SLC7A7: variants seen among roughly 807,000 people sequenced by gnomAD.
SLC7A7 encodes solute carrier family 7 member 7.
Under a neutral mutation model 47.9 loss-of-function variants are expected in SLC7A7, and 39 were observed. The ratio of observed to expected loss-of-function variants is 0.81; its 90% CI spans 0.63 to 1.06. SLC7A7 has a LOEUF of 1.06. Among genes scored for constraint, SLC7A7 ranks in the 50% least tolerant of loss-of-function variants. The pLI, the probability that SLC7A7 is intolerant of heterozygous loss-of-function variation, is 0.00. For missense variants in SLC7A7, 588 were observed against 632.0 expected (o/e 0.93, Z 0.75); for synonymous variants, 234 against 242.8 (o/e 0.96, Z 0.34).
rs1445945306 is a variant in SLC7A7, at chr14:22,782,545, C to T, written c.500-2494G>A. Among the ~76,000 whole-genome samples the T allele has an allele frequency of 2.0e-5, 3 of 150,892 alleles. No individual in the cohort carries two copies. The Admixed American group carries it at 2.0e-4, about 10-fold the overall frequency. The stretch of plus-strand genomic sequence containing the variant: ...GGCATGATCTTGGCTCACTGCAACC[C>T]CCACTTCCCAGGTTCAAGCAATTCT... On this transcript the variant is annotated intron_variant, in intron 2 of 9. Transcript: ENST00000674313.
intron 2 of SLC7A7, among the ~76,000 whole-genome samples, chr14:22,798,803 T>C (rs2139432824): frequency 6.6e-6 from 1 of 152,260 alleles, no homozygotes; most frequent in East Asian, 1.9e-4. Context: ...CCAAATGACA[T>C]TTTATTCCTT....
At chr14:22,785,479 G>C (rs1481546069) in intron 2 of SLC7A7, among the ~76,000 whole-genome samples, 1 of 151,992 alleles carries the variant, frequency 6.6e-6, no homozygotes, top group African/African-American at 2.4e-5. Context: ...TGTAATCCCA[G>C]CACTTTGGGA....
chr14:22,796,274 G>C (rs2039020147), intron 2 of SLC7A7, among the ~76,000 whole-genome samples: 1 of 152,120 alleles, frequency 6.6e-6, no homozygotes, highest in Admixed American at 6.6e-5. Flanking sequence ...AGGAGAAGCT[G>C]CACGAGGACA....
At position 22,773,310 on chromosome 14, in the gene SLC7A7, C is replaced by A; in HGVS notation, c.*300G>T. 2.0e-6 allele frequency: 1 copy of A among 509,192 alleles called. No homozygotes were observed. Among genetic ancestry groups the A allele is most frequent in the South Asian group, 1.5e-5 (1 of 64,852 alleles). The allele number at this position is 509,192 out of a possible 1,614,324, so 31.5% of individuals were successfully genotyped here. On this transcript the variant is annotated 3_prime_UTR_variant, in exon 10 of 10. Coordinates refer to ENST00000674313, the MANE Select transcript of SLC7A7 (RefSeq NM_003982.4). ...GACAGGAAATTGGAGCATTGTGGGC[C>A]CTTTTAAAAGAAAAGAGGAGTAGGT...
chr14:22,815,772 C>A, upstream of SLC7A7: 1 of 433,672 alleles, frequency 2.3e-6, no homozygotes, highest in Non-Finnish European at 4.7e-6. Context: ...GGAAGGAATA[C>A]ACAGCACTCT....
chr14:22,806,091 G>A lies in SLC7A7; in HGVS notation c.499+6809C>T, dbSNP rs1232311107. On this transcript the variant is annotated intron_variant, in intron 2 of 9. Coordinates refer to ENST00000674313, the MANE Select transcript of SLC7A7 (RefSeq NM_003982.4). ...GGGATCTCGGCTCACTGCAACCTCC[G>A]CCTACTGACATAGCGAGACTCTGTC... is the stretch of plus-strand genomic sequence containing the variant. 1.4e-4 allele frequency among the ~76,000 whole-genome samples: 16 copies of A among 111,812 alleles called. 1 individual carries two copies. The highest frequency in any genetic ancestry group is 1.8e-4 in the Non-Finnish European group (11 of 59,488). The allele number at this position is 111,812 out of a possible 152,430, so 73.4% of individuals were successfully genotyped here. A position where few individuals can be genotyped will look rare whatever the true frequency, so the allele number is the denominator to read the frequency against.
At chr14:22,818,022 A>C (rs764706398), upstream of SLC7A7, among the ~76,000 whole-genome samples, 2 of 151,886 alleles carry the variant, frequency 1.3e-5, no homozygotes, top group African/African-American at 4.8e-5. Context: ...TTCTAAAGCA[A>C]ACAAAAAAAA....
intron 5 of SLC7A7, 53 bp from the exon 6 acceptor site, chr14:22,775,989 C>G (rs944589369): frequency 3.0e-5 from 44 of 1,467,686 alleles, no homozygotes; most frequent in Non-Finnish European, 3.7e-5. Flanking sequence ...GGATGAAAGA[C>G]ATGGATGGGC....
intron 2 of SLC7A7, among the ~76,000 whole-genome samples, chr14:22,791,300 GA>G (rs2139419181): frequency 6.6e-6 from 1 of 152,160 alleles, no homozygotes; most frequent in Admixed American, 6.5e-5. Context: ...TGGTATCTTA[GA>G]ATCTTAGAAT....
At chr14:22,806,185 C>CTTTTTTTTTTTTTTTTTT (rs1285111671) in intron 2 of SLC7A7, among the ~76,000 whole-genome samples, 1 of 119,912 alleles carries the variant, frequency 8.3e-6, no homozygotes. Flanking sequence ...ACACATCAAT[C>CTTTTTTTTTTTTTTTTTT]TCTTTTTTTT....
chr14:22,817,282 AT>A, upstream of SLC7A7: 1 of 266,108 alleles, frequency 3.8e-6, no homozygotes, highest in East Asian at 1.4e-4. Context: ...AGTAACTAGG[AT>A]TACACCTGGC....
Position 22,805,881 on chromosome 14 carries a change from G to A in SLC7A7, c.499+7019C>T, listed in dbSNP as rs1036766758. On this transcript the variant is annotated intron_variant, in intron 2 of 9. Coordinates refer to ENST00000674313, the MANE Select transcript of SLC7A7 (RefSeq NM_003982.4). ...TCAAAGGCCGAGGGCGGTGGCTCAC[G>A]CCTGTAATCCCAGCACTTTGGGAGG... 1.2e-4 allele frequency among the ~76,000 whole-genome samples: 18 copies of A among 151,992 alleles called. No individual in the cohort carries two copies. The East Asian group carries it at 1.5e-3, about 13-fold the overall frequency.
chr14:22,785,143 G>A (rs2038791116), intron 2 of SLC7A7, among the ~76,000 whole-genome samples: 2 of 152,150 alleles, frequency 1.3e-5, no homozygotes, highest in Non-Finnish European at 2.9e-5. Flanking sequence ...GCTGAGTGTG[G>A]TGGCGCATGC....
At chr14:22,776,029 C>G (rs887488476) in intron 5 of SLC7A7, 93 bp from the exon 6 acceptor site, 2 of 1,418,038 alleles carry the variant, frequency 1.4e-6, no homozygotes, top group Non-Finnish European at 2.0e-6. Flanking sequence ...ATTAGGTATT[C>G]CAACCTTTCT....
intron 2 of SLC7A7, among the ~76,000 whole-genome samples, chr14:22,811,952 A>G (rs1594983794): frequency 6.6e-6 from 1 of 152,120 alleles, no homozygotes; most frequent in Non-Finnish European, 1.5e-5. Flanking sequence ...AACTGAAACC[A>G]ACGTACATGG....
At chr14:22,801,140 A>G (rs558517256) in intron 2 of SLC7A7, among the ~76,000 whole-genome samples, 12 of 152,126 alleles carry the variant, frequency 7.9e-5, no homozygotes, top group Non-Finnish European at 1.6e-4. Flanking sequence ...ACTATTTGTT[A>G]TAGCACAATA....
chr14:22,799,323 C>A (rs918206153), intron 2 of SLC7A7, among the ~76,000 whole-genome samples: 7 of 80,482 alleles, frequency 8.7e-5, no homozygotes, highest in Admixed American at 1.6e-4. Context: ...TCACAAAATA[C>A]CTATCCCTCA....
In SLC7A7 at chr14:22,776,329, A is replaced by G. The variant is rs774234705; in HGVS notation, c.771-11T>C. On this transcript the variant is annotated splice_polypyrimidine_tract_variant and intron_variant, in intron 4 of 9. Coordinates refer to ENST00000674313, the MANE Select transcript of SLC7A7 (RefSeq NM_003982.4). ...GAGAGGGGCAGGTTCCTACAGCCAA[A>G]TAGAATAAAATGCACATTAGTCCCA... 32 of 1,614,100 alleles carry G rather than the reference A, an allele frequency of 2.0e-5. No individual in the cohort carries two copies. Among genetic ancestry groups the G allele is most frequent in the Admixed American group, 3.3e-5 (2 of 60,004 alleles).
chr14:22,798,147 A>C (rs1007919052), intron 2 of SLC7A7, among the ~76,000 whole-genome samples: 7 of 152,110 alleles, frequency 4.6e-5, no homozygotes, highest in Non-Finnish European at 1.0e-4. Flanking sequence ...AATACAAAAA[A>C]TTAGCCGGGC....
Sources: allele counts gnomAD v4.1 joint callset (sites outside exome capture counted in the v4.1 genomes callset), GRCh38; gene constraint gnomAD v4.1.1; transcripts MANE v1.5; gene names NCBI Gene and HGNC (gene_info 2026-07-23, HGNC 2026-07-21).